The following KALRN variants were observed in gnomAD, a reference collection of about 807,000 sequenced individuals.
The protein encoded by KALRN is kalirin.
Under a neutral mutation model 353.7 loss-of-function variants are expected in KALRN, and 70 were observed. The ratio of observed to expected loss-of-function variants is 0.20; its 90% CI spans 0.16 to 0.24. The LOEUF is 0.24. KALRN is among the 10% of genes least tolerant of loss of function. The pLI, the probability that KALRN is intolerant of heterozygous loss-of-function variation, is 1.00. For synonymous variants in KALRN, 1,391 were observed against 1,434.8 expected, an observed-to-expected ratio of 0.97 and a Z score of 0.69; for missense variants, 2,791 against 3,756.7, an observed-to-expected ratio of 0.74 and a Z score of 6.72.
At chr3:124,153,915 T>G (rs1417895927) in intron 1 of KALRN, among the ~76,000 whole-genome samples, 1 of 152,194 alleles carries the variant, frequency 6.6e-6, no homozygotes, top group Non-Finnish European at 1.5e-5. Flanking sequence ...ATAAATGTCT[T>G]CTTTTGAGAA....
intron 25 of KALRN, among the ~76,000 whole-genome samples, chr3:124,471,406 C>A (rs1311991697): frequency 6.6e-6 from 1 of 151,822 alleles, no homozygotes; most frequent in African/African-American, 2.4e-5. Context: ...CTGCCTCAGC[C>A]TCCTGAGTAG....
intron 1 of KALRN, among the ~76,000 whole-genome samples, chr3:124,227,663 G>GTTTTTTTTTGTTTT (rs2078684288): frequency 1.4e-5 from 1 of 69,228 alleles, no homozygotes; most frequent in African/African-American, 5.1e-5. Context: ...CAACAGGGCT[G>GTTTTTTTTTGTTTT]TTTTTTTTTT....
intron 34 of KALRN, among the ~76,000 whole-genome samples, chr3:124,585,734 G>T (rs539653193): frequency 6.6e-6 from 1 of 152,190 alleles, no homozygotes; most frequent in African/African-American, 2.4e-5. Context: ...GATAGCGGGG[G>T]AAGACTGTTT....
intron 11 of KALRN, among the ~76,000 whole-genome samples, chr3:124,394,722 A>G (rs897853584): frequency 6.6e-6 from 1 of 152,222 alleles, no homozygotes; most frequent in Non-Finnish European, 1.5e-5. Context: ...TATTTGCAAT[A>G]TTATGATACA....
chr3:124,706,445 G>A (rs1387116843), intron 57 of KALRN, among the ~76,000 whole-genome samples: 1 of 152,184 alleles, frequency 6.6e-6, no homozygotes, highest in African/African-American at 2.4e-5. Context: ...CAGCCCAAAA[G>A]GAAAGACTTA....
At chr3:124,612,753 C>T (rs333321) in intron 34 of KALRN, among the ~76,000 whole-genome samples, 111,573 of 152,240 alleles carry the variant, frequency 0.73, 41,700 homozygotes, top group African/African-American at 0.87. Context: ...CTAATTTCAG[C>T]GACTTTGTCT....
chr3:124,404,790 C>G (rs2091323221), intron 13 of KALRN, among the ~76,000 whole-genome samples: 1 of 151,290 alleles, frequency 6.6e-6, no homozygotes, highest in Non-Finnish European at 1.5e-5. Flanking sequence ...ACTACAGGTT[C>G]TTATCTGGGG....
intron 6 of KALRN, among the ~76,000 whole-genome samples, chr3:124,303,254 G>A (rs768744488): frequency 2.0e-5 from 3 of 152,034 alleles, no homozygotes; most frequent in Non-Finnish European, 2.9e-5. Flanking sequence ...ATGTGTTTTT[G>A]AATTTCCCAC....
intron 28 of KALRN, among the ~76,000 whole-genome samples, chr3:124,486,450 G>A (rs17224858): frequency 0.16 from 24,343 of 152,112 alleles, 2,464 homozygotes; most frequent in Non-Finnish European, 0.23. Context: ...CAAGGGTGAC[G>A]TTATACTGAC....
At chr3:124,391,320 GA>G (rs2089341357) in intron 11 of KALRN, among the ~76,000 whole-genome samples, 1 of 152,124 alleles carries the variant, frequency 6.6e-6, no homozygotes, top group Admixed American at 6.5e-5. Context: ...TAGATAAGCA[GA>G]AAGTAAAGAA....
chr3:124,649,371 C>A (rs2083126535), intron 37 of KALRN, among the ~76,000 whole-genome samples: 1 of 152,174 alleles, frequency 6.6e-6, no homozygotes, highest in Non-Finnish European at 1.5e-5. Context: ...TTTTGGACTG[C>A]ATTTTTTTAA....
intron 1 of KALRN, among the ~76,000 whole-genome samples, chr3:124,103,458 A>G (rs2062034560): frequency 1.3e-5 from 2 of 152,186 alleles, no homozygotes; most frequent in South Asian, 4.2e-4. Flanking sequence ...GATCCCCAGT[A>G]TAAGTGATGG....
At chr3:124,089,115 T>C (rs754058618) in intron 1 of KALRN, among the ~76,000 whole-genome samples, 9 of 152,274 alleles carry the variant, frequency 5.9e-5, no homozygotes, top group Non-Finnish European at 1.0e-4. Flanking sequence ...TCTAGATATG[T>C]GCTAACCAAA....
At chr3:124,485,161 T>C (rs1406575439) in intron 28 of KALRN, among the ~76,000 whole-genome samples, 1 of 152,072 alleles carries the variant, frequency 6.6e-6, no homozygotes, top group Non-Finnish European at 1.5e-5. Context: ...CTTAAAAAAA[T>C]TGATTTTTAT....
chr3:124,265,265 T>A (rs544220018), intron 4 of KALRN, among the ~76,000 whole-genome samples: 1 of 150,716 alleles, frequency 6.6e-6, no homozygotes, highest in African/African-American at 2.4e-5. Context: ...TTGACTGTAT[T>A]TCTGTATCTA....
chr3:124,285,201 T>C (rs1165550426), intron 5 of KALRN, among the ~76,000 whole-genome samples: 1 of 152,192 alleles, frequency 6.6e-6, no homozygotes, highest in Non-Finnish European at 1.5e-5. Context: ...ACAAATGATC[T>C]GGGGTGAACT....
chr3:124,081,576 G>C (rs1244504366), intron 1 of KALRN, among the ~76,000 whole-genome samples: 1 of 152,162 alleles, frequency 6.6e-6, no homozygotes, highest in Non-Finnish European at 1.5e-5. Flanking sequence ...TTCAAGACCA[G>C]GCTGGGCAAC....
chr3:124,310,147 GA>G (rs1257888256), intron 6 of KALRN, among the ~76,000 whole-genome samples: 3 of 151,588 alleles, frequency 2.0e-5, no homozygotes, highest in East Asian at 1.9e-4. Flanking sequence ...ATGGAAATAG[GA>G]AAAAAATTCC....
At chr3:124,436,239 G>A (rs1388408702) in intron 17 of KALRN, among the ~76,000 whole-genome samples, 1 of 152,212 alleles carries the variant, frequency 6.6e-6, no homozygotes, top group Non-Finnish European at 1.5e-5. Flanking sequence ...ACTGGAGTAA[G>A]AGTCAAGAAA....
Sources: gnomAD v4.1 joint callset for allele counts (sites outside exome capture counted in the v4.1 genomes callset) on GRCh38, gnomAD v4.1.1 for gene constraint, MANE v1.5 for transcripts, NCBI Gene and HGNC (gene_info 2026-07-23, HGNC 2026-07-21) for gene names.